The following HHAT variants were observed in gnomAD, a reference collection of about 807,000 sequenced individuals.
The protein encoded by HHAT is hedgehog acyltransferase.
In HHAT, 47 loss-of-function variants were observed where a neutral mutation model predicts 70.8. The observed-to-expected ratio is 0.66, with a 90% CI of 0.53 to 0.85. The LOEUF (loss-of-function observed/expected upper bound fraction) is 0.85. HHAT is among the 40% of genes least tolerant of loss of function. The pLI is 0.00. For synonymous variants in HHAT, 228 were observed against 247.6 expected, an observed-to-expected ratio of 0.92 and a Z score of 0.74; for missense variants, 609 against 604.8, an observed-to-expected ratio of 1.01 and a Z score of -0.07.
At chr1:210,566,709 C>T (rs1654837698) in intron 9 of HHAT, among the ~76,000 whole-genome samples, 1 of 152,114 alleles carries the variant, frequency 6.6e-6, no homozygotes, top group African/African-American at 2.4e-5. Context: ...CATCTTTCCA[C>T]TCCATTCCCC....
intron 6 of HHAT, among the ~76,000 whole-genome samples, chr1:210,409,970 G>T (rs2092469185): frequency 6.6e-6 from 1 of 152,116 alleles, no homozygotes; most frequent in South Asian, 2.1e-4. Context: ...TACTTTGCAT[G>T]CAGGCAAGAG....
chr1:210,387,538 G>A lies in HHAT; in HGVS notation c.230G>A (p.Gly77Asp). The change falls in exon 4 of 12, where the codon GGC (glycine) becomes GAC (aspartate). Residue 77 changes from glycine (G) to aspartate (D), a missense_variant. Physicochemically the swap from Gly to Asp is moderately conservative, Grantham distance 94 (BLOSUM62 -1). Coordinates refer to ENST00000261458, the MANE Select transcript of HHAT (RefSeq NM_018194.6). ...GKQWLVWLLL[G>D]HMVVSQMATL... The stretch of plus-strand genomic sequence containing the variant: ...CAGTGGCTGGTGTGGCTTCTCCTTG[G>A]CCACATGGTAGTGTCTCAAATGGCC... 1.2e-6 allele frequency: 2 copies of A among 1,614,048 alleles called. No individual in the cohort carries two copies. The highest frequency in any genetic ancestry group is 1.3e-5 in the African/African-American group (1 of 75,022).
chr1:210,635,761 C>T (rs1573905291), intron 11 of HHAT, among the ~76,000 whole-genome samples: 1 of 152,178 alleles, frequency 6.6e-6, no homozygotes, highest in African/African-American at 2.4e-5. Flanking sequence ...AATGGTCACT[C>T]CAGATTTCCC....
chr1:210,474,384 G>C (rs2148468235), intron 8 of HHAT, among the ~76,000 whole-genome samples: 1 of 152,268 alleles, frequency 6.6e-6, no homozygotes, highest in South Asian at 2.1e-4. Flanking sequence ...GCCACCTTCT[G>C]GGCTCAGGTG....
chr1:210,330,845 G>C (rs1046635678), intron 1 of HHAT, among the ~76,000 whole-genome samples: 1 of 152,206 alleles, frequency 6.6e-6, no homozygotes, highest in Non-Finnish European at 1.5e-5. Flanking sequence ...TGAGACAAGA[G>C]TCTCGCTGGG....
chr1:210,481,513 G>A (rs959301871), intron 8 of HHAT, among the ~76,000 whole-genome samples: 5 of 151,998 alleles, frequency 3.3e-5, no homozygotes, highest in Non-Finnish European at 4.4e-5. Flanking sequence ...CAATGAAATC[G>A]CCAAAAACAC....
At chr1:210,628,339 A>G (rs78358008) in intron 11 of HHAT, among the ~76,000 whole-genome samples, 1 of 151,410 alleles carries the variant, frequency 6.6e-6, no homozygotes, top group Non-Finnish European at 1.5e-5. Flanking sequence ...AAGAAAAAAA[A>G]GGAAAACCAA....
At chr1:210,654,053 AT>A (rs1164983123) in intron 11 of HHAT, among the ~76,000 whole-genome samples, 1 of 10,690 alleles carries the variant, frequency 9.4e-5, no homozygotes, top group Admixed American at 9.3e-4. Flanking sequence ...GTGTGATGGA[AT>A]AGTGTGACGG....
intron 4 of HHAT, among the ~76,000 whole-genome samples, chr1:210,397,754 C>A (rs1373029217): frequency 6.6e-6 from 1 of 152,142 alleles, no homozygotes; most frequent in Non-Finnish European, 1.5e-5. Context: ...TTAGAAAAAG[C>A]TCTTCTGCTG....
chr1:210,593,267 T>C (rs1662168297), intron 10 of HHAT, among the ~76,000 whole-genome samples: 1 of 152,218 alleles, frequency 6.6e-6, no homozygotes, highest in Non-Finnish European at 1.5e-5. Flanking sequence ...TTAAGGTGCA[T>C]CATTAGGTTA....
At chr1:210,364,929 C>T (rs2088756409) in intron 3 of HHAT, among the ~76,000 whole-genome samples, 1 of 152,232 alleles carries the variant, frequency 6.6e-6, no homozygotes, top group Non-Finnish European at 1.5e-5. Flanking sequence ...CTGTCCATCC[C>T]TCTGTCTGAC....
intron 10 of HHAT, among the ~76,000 whole-genome samples, chr1:210,605,998 G>A (rs1029440083): frequency 2.6e-5 from 4 of 151,526 alleles, no homozygotes; most frequent in African/African-American, 7.3e-5. Flanking sequence ...CGGGACTACA[G>A]GTATGTGCCA....
At chr1:210,637,479 G>T (rs1176309615) in intron 11 of HHAT, among the ~76,000 whole-genome samples, 1 of 152,082 alleles carries the variant, frequency 6.6e-6, no homozygotes, top group Admixed American at 6.6e-5. Flanking sequence ...AATACATCCA[G>T]AATATGAGAA....
intron 7 of HHAT, among the ~76,000 whole-genome samples, chr1:210,460,189 T>A (rs2093951159): frequency 6.6e-6 from 1 of 152,168 alleles, no homozygotes; most frequent in Non-Finnish European, 1.5e-5. Flanking sequence ...CAGCATCACT[T>A]CTTCTATATC....
chr1:210,602,364 T>C (rs1664471070), intron 10 of HHAT, among the ~76,000 whole-genome samples: 1 of 152,008 alleles, frequency 6.6e-6, no homozygotes, highest in African/African-American at 2.4e-5. Flanking sequence ...GCTAAGCTTT[T>C]GGGAAAGGTT....
intron 10 of HHAT, among the ~76,000 whole-genome samples, chr1:210,607,847 CT>C (rs1196634378): frequency 4.6e-5 from 7 of 152,092 alleles, no homozygotes; most frequent in Admixed American, 4.6e-4. Flanking sequence ...TACCCACCCC[CT>C]AACAACCACA....
chr1:210,452,378 T>C (rs1478024360), intron 7 of HHAT, among the ~76,000 whole-genome samples: 36 of 152,146 alleles, frequency 2.4e-4, no homozygotes, highest in Non-Finnish European at 8.8e-5. Flanking sequence ...TCTCAGTGCC[T>C]CCCCTTTTAG....
At chr1:210,562,657 C>CTT (rs889666030) in intron 9 of HHAT, among the ~76,000 whole-genome samples, 5 of 135,692 alleles carry the variant, frequency 3.7e-5, no homozygotes, top group Admixed American at 1.4e-4. Flanking sequence ...TTTTTCTTTT[C>CTT]TTTTTTTTTT....
intron 11 of HHAT, among the ~76,000 whole-genome samples, chr1:210,628,445 A>T (rs770363913): frequency 2.6e-5 from 4 of 152,166 alleles, no homozygotes; most frequent in Non-Finnish European, 5.9e-5. Context: ...TCCACCAAAC[A>T]TTGCCTTGTC....
Sources: allele counts gnomAD v4.1 joint callset (sites outside exome capture counted in the v4.1 genomes callset), GRCh38; gene constraint gnomAD v4.1.1; transcripts MANE v1.5; gene names NCBI Gene and HGNC (gene_info 2026-07-23, HGNC 2026-07-21).